The following DNMBP variants were observed in gnomAD, a reference collection of about 807,000 sequenced individuals.
DNMBP encodes the protein dynamin-binding protein.
A neutral mutation model predicts 150.0 loss-of-function variants in DNMBP; 87 were observed. The ratio of observed to expected loss-of-function variants is 0.58; its 90% CI spans 0.49 to 0.69. DNMBP has a LOEUF of 0.69. Ranked by LOEUF, DNMBP falls within the 30% of genes least tolerant of loss-of-function variation. DNMBP has a pLI of 0.00. For synonymous variants in DNMBP, 711 were observed against 750.4 expected (o/e 0.95, Z 0.86); for missense variants, 1,774 against 1,949.0 (o/e 0.91, Z 1.69).
intron 11 of DNMBP, among the ~76,000 whole-genome samples, chr10:99,891,688 G>T (rs892013254): frequency 6.7e-5 from 10 of 150,156 alleles, no homozygotes; most frequent in Non-Finnish European, 1.3e-4. Flanking sequence ...GGAAAGTGAG[G>T]AGCGTCTCTG....
chr10:99,939,161 T>G (rs1186235975), intron 4 of DNMBP, among the ~76,000 whole-genome samples: 1 of 152,132 alleles, frequency 6.6e-6, no homozygotes, highest in African/African-American at 2.4e-5. Flanking sequence ...CCCTAAACTT[T>G]TGTGGATTCC....
intron 1 of DNMBP, among the ~76,000 whole-genome samples, chr10:99,989,523 C>T (rs2040864376): frequency 6.6e-6 from 1 of 152,090 alleles, no homozygotes; most frequent in South Asian, 2.1e-4. Flanking sequence ...CCAGCCTAGC[C>T]AAGAAGGTGA....
intron 4 of DNMBP, chr10:99,913,889 A>C: frequency 7.8e-7 from 1 of 1,274,924 alleles, no homozygotes; most frequent in Non-Finnish European, 1.0e-6. Flanking sequence ...GTGCCCTTGA[A>C]CAGGGACGAA....
chr10:99,959,238 TAAAC>T (rs2040534061), intron 3 of DNMBP, among the ~76,000 whole-genome samples: 1 of 152,232 alleles, frequency 6.6e-6, no homozygotes. Context: ...AATAGACTGA[TAAAC>T]AAGTTTTAAA....
intron 8 of DNMBP, 76 bp from the exon 9 acceptor site, chr10:99,898,361 A>C: frequency 1.5e-6 from 2 of 1,311,978 alleles, no homozygotes; most frequent in Non-Finnish European, 2.2e-6. Flanking sequence ...GTGAGACCCC[A>C]CCTTAAAAAA....
At chr10:99,940,480 C>T (rs544225587) in intron 4 of DNMBP, among the ~76,000 whole-genome samples, 16 of 152,222 alleles carry the variant, frequency 1.1e-4, no homozygotes, top group African/African-American at 3.6e-4. Context: ...GCTTGCCAGA[C>T]CCCTCCCCTC....
Position 99,952,191 on chromosome 10 carries a change from T to C in DNMBP, c.2260+3023A>G, listed in dbSNP as rs146262828. Among the ~76,000 whole-genome samples the C allele has an allele frequency of 3.6e-3, 550 of 152,336 alleles. 1 individual carries two copies. Among genetic ancestry groups the C allele is most frequent in the Non-Finnish European group, 5.8e-3 (397 of 68,030 alleles). On this transcript the variant is annotated intron_variant, in intron 4 of 16. Coordinates refer to ENST00000324109, the MANE Select transcript of DNMBP (RefSeq NM_015221.4). ...CATGATTGTGAGGCCTCCCCAACCA[T>C]GTGGAATTGTAAGTCCATTAAACCT...
rs1382066780 is a variant in DNMBP at position 99,933,745 on chromosome 10, G to GT, written c.2260+21468dup. On this transcript the variant is annotated intron_variant, in intron 4 of 16. Coordinates refer to ENST00000324109, the MANE Select transcript of DNMBP (RefSeq NM_015221.4). ...CACTTGTTGTTGTTTTTGTTTTTTT[G>GT]TTTTTTTTTGAGACGGAGTCTCGCT... is the stretch of plus-strand genomic sequence containing the variant. Among the ~76,000 whole-genome samples, 673 of 151,022 alleles carry GT rather than the reference G, an allele frequency of 4.5e-3. 6 individuals are homozygous for GT. The highest frequency in any genetic ancestry group is 5.9e-3 in the Non-Finnish European group (398 of 67,540).
chr10:100,003,711 A>G (rs1015950446), intron 1 of DNMBP, among the ~76,000 whole-genome samples: 2 of 151,924 alleles, frequency 1.3e-5, no homozygotes, highest in African/African-American at 4.8e-5. Context: ...AACAACAACA[A>G]CAAAAAACTT....
At chr10:99,892,806 G>T (rs1480993270) in intron 11 of DNMBP, among the ~76,000 whole-genome samples, 1 of 151,868 alleles carries the variant, frequency 6.6e-6, no homozygotes, top group Non-Finnish European at 1.5e-5. Flanking sequence ...TTAAATGTTG[G>T]AACAGCAAAG....
chr10:99,966,753 G>C (rs1393334195), intron 3 of DNMBP, among the ~76,000 whole-genome samples: 1 of 152,112 alleles, frequency 6.6e-6, no homozygotes, highest in African/African-American at 2.4e-5. Context: ...CAAAACAACA[G>C]AGCGTGGTGG....
intron 10 of DNMBP, 72 bp from the exon 11 acceptor site, chr10:99,895,122 C>CTTTT (rs373241582): frequency 1.4e-3 from 724 of 509,328 alleles, no homozygotes; most frequent in South Asian, 3.6e-3. Context: ...AAGTAGCTTG[C>CTTTT]TTTTTTTTTT....
intron 1 of DNMBP, among the ~76,000 whole-genome samples, chr10:99,996,165 T>C (rs1487792562): frequency 6.6e-6 from 1 of 152,210 alleles, no homozygotes; most frequent in Non-Finnish European, 1.5e-5. Context: ...AAGAAGAGAA[T>C]ATTCACCAAG....
chr10:99,955,640 G>A lies in DNMBP; in HGVS notation c.1834C>T (p.Pro612Ser). The change falls in exon 4 of 17, where the codon CCA becomes TCA. Residue 612 changes from proline to serine, a missense_variant. Physicochemically the swap from Pro to Ser is moderately conservative, Grantham distance 74 (BLOSUM62 -1). Around this residue, in one of 2 missense-constraint regions of DNMBP, gnomAD observed 1,430 missense variants for 1,492.5 expected, o/e 0.96. Coordinates refer to ENST00000324109, the MANE Select transcript of DNMBP (RefSeq NM_015221.4). ...GATACCGGAGTACAGGGACGAGGTG[G>A]CGGTGGCCTTAGGGCCTTTCTCCTT... is the stretch of plus-strand genomic sequence containing the variant. ...PERRKALRPP[P>S]PRPCTPVSTS... 1 of 1,614,222 alleles carries A rather than the reference G, an allele frequency of 6.2e-7. No individual in the cohort carries two copies. Among genetic ancestry groups the A allele is most frequent in the Admixed American group, 1.7e-5 (1 of 60,032 alleles).
chr10:99,984,770 C>T (rs1476443276), intron 1 of DNMBP, among the ~76,000 whole-genome samples: 1 of 152,182 alleles, frequency 6.6e-6, no homozygotes, highest in East Asian at 1.9e-4. Flanking sequence ...CACTCTGTTG[C>T]CCAGGCTAGA....
chr10:99,975,836 T>C (rs11190350), intron 1 of DNMBP, among the ~76,000 whole-genome samples: 9,888 of 152,280 alleles, frequency 0.065, 447 homozygotes, highest in African/African-American at 0.12. Context: ...GAGATAATCA[T>C]ACTTTCATAA....
At chr10:99,969,638 A>G (rs1204066008) in intron 2 of DNMBP, among the ~76,000 whole-genome samples, 1 of 152,236 alleles carries the variant, frequency 6.6e-6, no homozygotes, top group East Asian at 1.9e-4. Flanking sequence ...AAGGTAGGTA[A>G]TAGGTCAGGA....
intron 6 of DNMBP, among the ~76,000 whole-genome samples, chr10:99,905,584 G>A (rs1196101796): frequency 1.3e-5 from 2 of 152,142 alleles, no homozygotes; most frequent in Non-Finnish European, 2.9e-5. Flanking sequence ...CTAGTTGGGA[G>A]GCTGAGGTGG....
intron 1 of DNMBP, among the ~76,000 whole-genome samples, chr10:99,974,427 A>C (rs1485973745): frequency 6.6e-6 from 1 of 152,118 alleles, no homozygotes; most frequent in Non-Finnish European, 1.5e-5. Flanking sequence ...ATCAGCCTTG[A>C]TGACAGCTAC....
Sources: gnomAD v4.1 joint callset for allele counts (sites outside exome capture counted in the v4.1 genomes callset) on GRCh38, gnomAD v4.1.1 for gene constraint, gnomAD v4.1.1 regional missense constraint, MANE v1.5 for transcripts, NCBI Gene and HGNC (gene_info 2026-07-23, HGNC 2026-07-21) for gene names.